Variants in AGAP3 observed in about 807,000 individuals in gnomAD.
AGAP3 encodes the protein arf-GAP with GTPase, ANK repeat and PH domain-containing protein 3.
Under a neutral mutation model 96.9 loss-of-function variants are expected in AGAP3, and 24 were observed. The observed-to-expected ratio is 0.25, with a 90% CI of 0.18 to 0.35. The LOEUF is 0.35. Ranked by LOEUF, AGAP3 falls within the 10% of genes least tolerant of loss-of-function variation. The pLI is 1.00. For synonymous variants in AGAP3, 563 were observed against 536.1 expected (o/e 1.05, Z -0.69); for missense variants, 876 against 1,254.2 (o/e 0.70, Z 4.55).
intron 1 of AGAP3, 100 bp downstream of exon 1, chr7:151,087,172 G>GAGGACAT (rs748486880): frequency 7.6e-6 from 10 of 1,314,974 alleles, no homozygotes; most frequent in Non-Finnish European, 8.5e-6. Context: ...TCCCTGTCGG[G>GAGGACAT]GGTCCTTGCG....
rs776910050 is a variant in AGAP3 at position 151,143,363 on chromosome 7, C to T, written c.2296C>T (p.Arg766Trp). 59 of 1,612,574 alleles carry T rather than the reference C, an allele frequency of 3.7e-5. No homozygotes were observed. The highest frequency in any genetic ancestry group is 8.3e-5 in the Admixed American group (5 of 59,910). The change falls in exon 17 of 18, where the codon CGG becomes TGG. Residue 766 changes from arginine (R) to tryptophan (W), a missense_variant. Coordinates refer to ENST00000397238, the MANE Select transcript of AGAP3 (RefSeq NM_031946.7). This position sits in a 1 kb window ranked among gnomAD's most constrained non-coding sequence, Gnocchi z 5.9. Reference protein sequence around the residue: ...ACREEKERWIRAKYEQKLFLA... With the variant: ...ACREEKERWIWAKYEQKLFLA... The stretch of plus-strand genomic sequence containing the variant: ...CAGAGAGGAGAAGGAACGCTGGATA[C>T]GGGCCAAGTATGAACAGAAGCTCTT...
chr7:151,130,166 A>G (rs1440972048), intron 10 of AGAP3, among the ~76,000 whole-genome samples: 1 of 152,106 alleles, frequency 6.6e-6, no homozygotes, highest in Non-Finnish European at 1.5e-5. Flanking sequence ...CCCTTTGCCC[A>G]GTTCTTACCT....
chr7:151,121,223 T>G (rs1463955157), intron 8 of AGAP3, among the ~76,000 whole-genome samples: 2 of 152,084 alleles, frequency 1.3e-5, no homozygotes, highest in Non-Finnish European at 2.9e-5. Flanking sequence ...CTCGCGGCCA[T>G]CCATGCTAAC....
rs759620660 is a variant in AGAP3 at position 151,118,674 on chromosome 7, G to A, written c.969+42G>A. On this transcript the variant is annotated intron_variant, in intron 7 of 17. Transcript: ENST00000397238. This position sits in a 1 kb window ranked among gnomAD's most constrained non-coding sequence, Gnocchi z 6.1. ...GCCCTGCCCTTCCTGTCCCCACCATGTCTGTCTTGCCTCTGTGCGTCCTGC... is the reference window on the plus strand; with the variant it reads ...GCCCTGCCCTTCCTGTCCCCACCATATCTGTCTTGCCTCTGTGCGTCCTGC... The A allele has an allele frequency of 7.5e-6, 12 of 1,600,060 alleles. No homozygotes were observed. Among genetic ancestry groups the A allele is most frequent in the Non-Finnish European group, 8.5e-6 (10 of 1,175,104 alleles).
chr7:151,105,779 C>A lies in AGAP3; in HGVS notation c.332-11014C>A, dbSNP rs1031739885. Among the ~76,000 whole-genome samples, 8 of 60,206 alleles carry A rather than the reference C, an allele frequency of 1.3e-4. 1 individual carries two copies. The highest frequency in any genetic ancestry group is 1.9e-4 in the Non-Finnish European group (6 of 31,842). 39.5% of individuals were successfully genotyped at this position (60,206 alleles called of 152,430 possible). A position where few individuals can be genotyped will look rare whatever the true frequency, so the allele number is the denominator to read the frequency against. ...CTGTCTCCAACCCCTCCATTCCGCCCCCCCCCCCGACACCACACACACACA... is the reference window on the plus strand; with the variant it reads ...CTGTCTCCAACCCCTCCATTCCGCCACCCCCCCCGACACCACACACACACA... On this transcript the variant is annotated intron_variant, in intron 1 of 17. Coordinates refer to ENST00000397238, the MANE Select transcript of AGAP3 (RefSeq NM_031946.7).
At position 151,123,464 on chromosome 7, in the gene AGAP3, C is replaced by T; in HGVS notation, c.1129-330C>T. 6.0e-6 allele frequency: 7 copies of T among 1,168,486 alleles called. No homozygotes were observed. The South Asian group carries it at 9.4e-5, about 16-fold the overall frequency. The allele number at this position is 1,168,486 out of a possible 1,614,324, so 72.4% of individuals were successfully genotyped here. On this transcript the variant is annotated intron_variant, in intron 8 of 17. Transcript: ENST00000397238. ...CGGTTGTCGCGCCCTGTGCTCCCGA[C>T]CAGCAGCCCCACCGTCCACCTCCTC...
At chr7:151,122,224 C>T (rs1408169333) in intron 8 of AGAP3, among the ~76,000 whole-genome samples, 1 of 152,240 alleles carries the variant, frequency 6.6e-6, no homozygotes, top group Non-Finnish European at 1.5e-5. Flanking sequence ...CTGTGGCGGT[C>T]TGGGCCGTGG....
intron 7 of AGAP3, among the ~76,000 whole-genome samples, chr7:151,119,612 G>A (rs1799770366): frequency 6.6e-6 from 1 of 152,168 alleles, no homozygotes; most frequent in Non-Finnish European, 1.5e-5. Flanking sequence ...GTTTGTCCGG[G>A]GTGACCCTCT....
chr7:151,138,619 C>T (rs1037362927), intron 12 of AGAP3, among the ~76,000 whole-genome samples: 1 of 152,232 alleles, frequency 6.6e-6, no homozygotes, highest in Non-Finnish European at 1.5e-5. Flanking sequence ...CCCTCTGCAG[C>T]TCCTCCTCCC....
intron 1 of AGAP3, among the ~76,000 whole-genome samples, chr7:151,107,152 A>G (rs1799089600): frequency 6.6e-6 from 1 of 152,034 alleles, no homozygotes; most frequent in African/African-American, 2.4e-5. Flanking sequence ...TCTACTAAAA[A>G]TACAAAATTT....
At chr7:151,111,922 G>A (rs1270707926) in intron 1 of AGAP3, among the ~76,000 whole-genome samples, 2 of 152,208 alleles carry the variant, frequency 1.3e-5, no homozygotes, top group African/African-American at 4.8e-5. Context: ...TACTGTTCGT[G>A]TAGTCCCAGC....
At position 151,142,111 on chromosome 7, in the gene AGAP3, G is replaced by A; in HGVS notation, c.1960-52G>A. 1 of 1,608,278 alleles carries A rather than the reference G, an allele frequency of 6.2e-7. No homozygotes were observed. Among genetic ancestry groups the A allele is most frequent in the East Asian group, 2.2e-5 (1 of 44,752 alleles). On this transcript the variant is annotated intron_variant, in intron 14 of 17. Coordinates refer to ENST00000397238, the MANE Select transcript of AGAP3 (RefSeq NM_031946.7). This position sits in a 1 kb window ranked among gnomAD's most constrained non-coding sequence, Gnocchi z 7.5. ...CCTGGCTGGGGTGGGACTGAAAGGG[G>A]CCTCATGACTGACCAACCGCCCCTT...
chr7:151,135,198 C>G (rs565682168), intron 11 of AGAP3, among the ~76,000 whole-genome samples: 1 of 152,320 alleles, frequency 6.6e-6, no homozygotes, highest in East Asian at 1.9e-4. Flanking sequence ...AGGGTCCGTC[C>G]TTCCACACCC....
chr7:151,101,430 G>T (rs1798830760), intron 1 of AGAP3, among the ~76,000 whole-genome samples: 1 of 152,342 alleles, frequency 6.6e-6, no homozygotes, highest in South Asian at 2.1e-4. Flanking sequence ...CTGTGTAGGA[G>T]CCTCTTGCCT....
In AGAP3 at chr7:151,118,094, C is replaced by A; in HGVS notation, c.707-116C>A. On this transcript the variant is annotated intron_variant, in intron 5 of 17. Coordinates refer to ENST00000397238, the MANE Select transcript of AGAP3 (RefSeq NM_031946.7). This position sits in a 1 kb window ranked among gnomAD's most constrained non-coding sequence, Gnocchi z 6.1. ...CCCAGGCACCCGCGTTCTTGGTGCT[C>A]TGTGTGTTCCACTCACCAGGCCCTT... is the stretch of plus-strand genomic sequence containing the variant. 7.2e-7 allele frequency: 1 copy of A among 1,383,042 alleles called. No homozygotes were observed. Among genetic ancestry groups the A allele is most frequent in the Non-Finnish European group, 9.8e-7 (1 of 1,016,530 alleles). The allele number at this position is 1,383,042 out of a possible 1,614,324, so 85.7% of individuals were successfully genotyped here.
chr7:151,132,162 G>A (rs1029647813), intron 10 of AGAP3, among the ~76,000 whole-genome samples: 2 of 152,308 alleles, frequency 1.3e-5, no homozygotes, highest in East Asian at 1.9e-4. Flanking sequence ...ATGGAGGTAC[G>A]CTGGGATGGC....
rs1035314246 is a variant in AGAP3 at position 151,139,128 on chromosome 7, A to G, written c.1666+815A>G. On this transcript the variant is annotated intron_variant, in intron 12 of 17. Transcript: ENST00000397238. This position sits in a 1 kb window ranked among gnomAD's most constrained non-coding sequence, Gnocchi z 4.9. ...TGCCCTTGTCCTGAGTGATGGTGTA[A>G]TGACAGGAAGACCCAGGGTGCCCCA... Among the ~76,000 whole-genome samples the G allele has an allele frequency of 2.6e-5, 4 of 152,154 alleles. No homozygotes were observed. Among genetic ancestry groups the G allele is most frequent in the African/African-American group, 9.7e-5 (4 of 41,424 alleles).
upstream of AGAP3, chr7:151,086,172 C>T (rs1016291901): frequency 6.6e-6 from 1 of 152,348 alleles, no homozygotes; most frequent in African/African-American, 2.4e-5. Flanking sequence ...GGGAGGAGAC[C>T]AGGGCAGCTG....
rs907648841 is a variant in AGAP3, at chr7:151,144,108, G to T, written c.*165G>T. The T allele has an allele frequency of 7.3e-5, 54 of 742,318 alleles. No individual in the cohort carries two copies. The African/African-American group carries it at 9.2e-4, about 13-fold the overall frequency. 46.0% of individuals were successfully genotyped at this position (742,318 alleles called of 1,614,324 possible). ...AGTCAAAGGGATCAAGGAGAGTTGG[G>T]GATTTGAGCTGCAGCAGAGAGGGAT... On this transcript the variant is annotated 3_prime_UTR_variant, in exon 18 of 18. Coordinates refer to ENST00000397238, the MANE Select transcript of AGAP3 (RefSeq NM_031946.7).
Sources: allele counts gnomAD v4.1 joint callset (sites outside exome capture counted in the v4.1 genomes callset), GRCh38; gene constraint gnomAD v4.1.1; non-coding constraint Gnocchi (gnomAD v3.1); transcripts MANE v1.5; gene names NCBI Gene and HGNC (gene_info 2026-07-23, HGNC 2026-07-21).